Variants in MAP4K1 observed in about 807,000 individuals in gnomAD.
MAP4K1 encodes the protein mitogen-activated protein kinase kinase kinase kinase 1.
A neutral mutation model predicts 122.8 loss-of-function variants in MAP4K1; 35 were observed. The ratio of observed to expected loss-of-function variants is 0.29; its 90% confidence interval spans 0.22 to 0.38. The LOEUF is 0.38. MAP4K1 is among the 10% of genes least tolerant of loss of function. The pLI, the probability that MAP4K1 is intolerant of heterozygous loss-of-function variation, is 1.00. For synonymous variants in MAP4K1, 412 were observed against 421.3 expected, an observed-to-expected ratio of 0.98 and a Z score of 0.27; for missense variants, 791 against 1,072.6, an observed-to-expected ratio of 0.74 and a Z score of 3.67.
At chr19:38,606,730 T>C (rs1975340202) in intron 16 of MAP4K1, among the ~76,000 whole-genome samples, 1 of 152,170 alleles carries the variant, frequency 6.6e-6, no homozygotes, top group African/African-American at 2.4e-5. Context: ...AAAAGACTAA[T>C]AACAGTAACA....
rs1453766095 is a variant in MAP4K1 at position 38,605,590 on chromosome 19, G to A, written c.1341C>T (p.Ser447=). 2.6e-6 allele frequency: 4 copies of A among 1,550,550 alleles called. No homozygotes were observed. The East Asian group carries it at 9.5e-5, about 37-fold the overall frequency. The stretch of plus-strand genomic sequence containing the variant: ...TACCTGAATGGGCGGTGAGGTGGGG[G>A]CTGCTGGTGGATGGGGGAGGCCCAG... ...PRPGPPPSTS[S]PHLTAHSEPS... The change falls in exon 18 of 31, where the codon AGC becomes AGT. Residue 447 remains serine (S), a synonymous_variant. Transcript: ENST00000396857.
intron 30 of MAP4K1, among the ~76,000 whole-genome samples, chr19:38,592,988 TACTC>T (rs1188065330): frequency 6.6e-6 from 1 of 152,042 alleles, no homozygotes. Context: ...TAGTTCCAGA[TACTC>T]AGGAAGCTGA....
intron 20 of MAP4K1, among the ~76,000 whole-genome samples, chr19:38,600,392 C>T (rs887428558): frequency 6.6e-6 from 1 of 152,250 alleles, no homozygotes. Context: ...CTTCTCTGCC[C>T]AACTGTCTTC....
At chr19:38,608,602 C>T (rs977488176) in intron 13 of MAP4K1, among the ~76,000 whole-genome samples, 3 of 151,768 alleles carry the variant, frequency 2.0e-5, no homozygotes. Context: ...TCATGATCAG[C>T]CTGGTCAACA....
At chr19:38,602,919 T>C (rs574615909) in intron 19 of MAP4K1, among the ~76,000 whole-genome samples, 2 of 148,738 alleles carry the variant, frequency 1.3e-5, no homozygotes, top group Admixed American at 6.8e-5. Context: ...CATGTACACA[T>C]ATACGCATAT....
At chr19:38,613,035 C>T (rs978390992) in intron 8 of MAP4K1, among the ~76,000 whole-genome samples, 11 of 151,730 alleles carry the variant, frequency 7.2e-5, no homozygotes, top group South Asian at 2.1e-4. Context: ...CGGCTGGGCA[C>T]GGTGGCTTTT....
At chr19:38,614,615 C>G (rs1599721137) in intron 4 of MAP4K1, 170 bp from the exon 5 acceptor site, 1 of 695,516 alleles carries the variant, frequency 1.4e-6, no homozygotes, top group Non-Finnish European at 2.5e-6. Context: ...AAAGAGGCAG[C>G]AATGCAAATA....
Position 38,603,710 on chromosome 19 carries a change from G to T in MAP4K1, c.1446+1699C>A, listed in dbSNP as rs183332125. Among the ~76,000 whole-genome samples the T allele has an allele frequency of 2.7e-3, 406 of 152,152 alleles. 1 individual carries two copies. Among genetic ancestry groups the T allele is most frequent in the South Asian group, 0.012 (60 of 4,822 alleles). ...AAAAATTAGCCAAGCTGGGCCGGGC[G>T]CGGTGGCTCACGCCTGTAATGCCAG... On this transcript the variant is annotated intron_variant, in intron 19 of 30. Transcript: ENST00000396857.
At chr19:38,600,238 ACT>A in intron 20 of MAP4K1, 85 bp from the exon 21 acceptor site, 1 of 1,062,534 alleles carries the variant, frequency 9.4e-7, no homozygotes, top group Non-Finnish European at 1.4e-6. Context: ...AAACACTGAC[ACT>A]CTGTCCCCAG....
intron 30 of MAP4K1, among the ~76,000 whole-genome samples, chr19:38,592,681 G>T (rs930435456): frequency 1.3e-5 from 2 of 152,092 alleles, no homozygotes; most frequent in African/African-American, 2.4e-5. Flanking sequence ...ACTTTGGGAG[G>T]CCGAGGCAGG....
At chr19:38,602,693 C>CACATATACATGTATACATATAT (rs1975124063) in intron 19 of MAP4K1, among the ~76,000 whole-genome samples, 1 of 141,686 alleles carries the variant, frequency 7.1e-6, no homozygotes, top group Non-Finnish European at 1.6e-5. Flanking sequence ...TACATATATA[C>CACATATACATGTATACATATAT]ACACATATAC....
chr19:38,616,143 T>TGGGGGGTG, intron 4 of MAP4K1, 52 bp downstream of exon 4: 1 of 1,275,712 alleles, frequency 7.8e-7, no homozygotes, highest in South Asian at 1.3e-5. Flanking sequence ...GGGTCGGGGT[T>TGGGGGGTG]GGGGGGTGGG....
At chr19:38,591,783 C>A (rs1225592978) in intron 30 of MAP4K1, among the ~76,000 whole-genome samples, 1 of 151,692 alleles carries the variant, frequency 6.6e-6, no homozygotes, top group Non-Finnish European at 1.5e-5. Flanking sequence ...GCAGCCTGGA[C>A]AACATGGCGA....
At chr19:38,588,833 C>T (rs891135540) in intron 30 of MAP4K1, among the ~76,000 whole-genome samples, 8 of 149,378 alleles carry the variant, frequency 5.4e-5, no homozygotes, top group East Asian at 2.0e-4. Flanking sequence ...GCAGGAGGAT[C>T]GATTGAACCT....
chr19:38,607,969 A>ATC, intron 15 of MAP4K1, 21 bp downstream of exon 15: 3 of 1,611,764 alleles, frequency 1.9e-6, no homozygotes, highest in Non-Finnish European at 2.5e-6. Context: ...CCCCCTCCCC[A>ATC]TCCTCCCTGG....
At chr19:38,599,877 G>A in intron 22 of MAP4K1, 48 bp downstream of exon 22, 1 of 1,576,018 alleles carries the variant, frequency 6.3e-7, no homozygotes, top group Non-Finnish European at 8.7e-7. Flanking sequence ...CCGAACCCTT[G>A]GACCCCTTAA....
At chr19:38,612,930 G>A (rs752728803) in intron 8 of MAP4K1, among the ~76,000 whole-genome samples, 188 bp from the exon 9 acceptor site, 2 of 152,180 alleles carry the variant, frequency 1.3e-5, no homozygotes, top group Non-Finnish European at 2.9e-5. Flanking sequence ...GATGGCTCAC[G>A]CCTGTAATCC....
chr19:38,605,440 A>T lies in MAP4K1; in HGVS notation c.1415T>A (p.Leu472Gln). 6.3e-7 allele frequency: 1 copy of T among 1,592,656 alleles called. No homozygotes were observed. The highest frequency in any genetic ancestry group is 1.1e-5 in the South Asian group (1 of 88,454). ...CTTCATCTTTTCCTTCTTGGGGGGC[A>T]GAAGTGGGGGCTTGTCAAGCTCCCG... ...PSRELDKPPL[L>Q]PPKKEKMKRK... is the part of the protein sequence containing the mutation. The change falls in exon 19 of 31, where the codon CTG becomes CAG. Residue 472 changes from leucine to glutamine, a missense_variant. Physicochemically the swap from Leu to Gln is moderately radical, Grantham distance 113. Transcript: ENST00000396857.
intron 27 of MAP4K1, 69 bp downstream of exon 27, chr19:38,595,869 GT>G: frequency 1.3e-6 from 2 of 1,572,258 alleles, no homozygotes; most frequent in South Asian, 2.2e-5. Flanking sequence ...AGAAGCACAA[GT>G]TCGGAGGCAG....
Sources: allele counts gnomAD v4.1 joint callset (sites outside exome capture counted in the v4.1 genomes callset), GRCh38; gene constraint gnomAD v4.1.1; transcripts MANE v1.5; gene names NCBI Gene and HGNC (gene_info 2026-07-23, HGNC 2026-07-21).